Variants in FCRL3 observed in about 807,000 individuals in gnomAD.
FCRL3 encodes Fc receptor like 3, also known as Fc receptor-like protein 3.
A neutral mutation model predicts 75.0 loss-of-function variants in FCRL3; 89 were observed. The ratio of observed to expected loss-of-function variants is 1.19; its 90% CI spans 1.00 to 1.42. The LOEUF is 1.42. Among genes scored for constraint, FCRL3 ranks in the 40% most tolerant of loss-of-function variants. The pLI is 0.00. For missense variants in FCRL3, 946 were observed against 880.0 expected (o/e 1.07, Z -0.95); for synonymous variants, 376 against 348.5 (o/e 1.08, Z -0.88).
At chr1:157,684,964 T>A (rs1023449792) in intron 10 of FCRL3, among the ~76,000 whole-genome samples, 1 of 152,000 alleles carries the variant, frequency 6.6e-6, no homozygotes, top group Non-Finnish European at 1.5e-5. Flanking sequence ...TAAGCAAGAT[T>A]TTGAGAAAAG....
chr1:157,695,956 C>A, intron 7 of FCRL3, 84 bp downstream of exon 7: 1 of 490,422 alleles, frequency 2.0e-6, no homozygotes, highest in Non-Finnish European at 3.0e-6. Context: ...CTCCCCGTGC[C>A]TCTTTTAGGA....
chr1:157,685,123 G>A (rs1655094898), intron 10 of FCRL3, among the ~76,000 whole-genome samples: 1 of 151,788 alleles, frequency 6.6e-6, no homozygotes, highest in Non-Finnish European at 1.5e-5. Context: ...TTCTCTCCTG[G>A]TGCTGTGCTG....
chr1:157,693,074 G>A (rs577625084), intron 8 of FCRL3, among the ~76,000 whole-genome samples: 1 of 151,908 alleles, frequency 6.6e-6, no homozygotes, highest in South Asian at 2.1e-4. Flanking sequence ...TCAGAAGTTC[G>A]AGACCAGCCT....
At chr1:157,691,204 T>A (rs935320085) in intron 8 of FCRL3, among the ~76,000 whole-genome samples, 3 of 152,140 alleles carry the variant, frequency 2.0e-5, no homozygotes, top group African/African-American at 7.2e-5. Flanking sequence ...TCAAAAAAAA[T>A]CCAGATATAG....
chr1:157,686,233 C>CA (rs1655169094), intron 10 of FCRL3, among the ~76,000 whole-genome samples: 1 of 149,552 alleles, frequency 6.7e-6, no homozygotes, highest in Non-Finnish European at 1.5e-5. Context: ...ATACAGCTAA[C>CA]AAAGGAGGTG....
At chr1:157,695,184 G>A in intron 8 of FCRL3, 145 bp downstream of exon 8, 1 of 804,914 alleles carries the variant, frequency 1.2e-6, no homozygotes, top group Admixed American at 2.4e-5. Flanking sequence ...TAATCACTAG[G>A]AAGAATCCCA....
At position 157,689,905 on chromosome 1, in the gene FCRL3, T is replaced by G. The variant is rs1186661323; in HGVS notation, c.1703A>C (p.Asn568Thr). 2.5e-6 allele frequency: 4 copies of G among 1,614,008 alleles called. No homozygotes were observed. In the African/African-American group the frequency reaches 5.3e-5, roughly 22 times the overall value. Reference sequence around the variant, plus strand: ...TCCCGCAGCGGTAAGGCCTGTTCTGTTCCTGGAAGTTCCTGAGTGGAGGGA... The same window carrying G: ...TCCCGCAGCGGTAAGGCCTGTTCTGGTCCTGGAAGTTCCTGAGTGGAGGGA... Reference protein sequence around the residue: ...VTLNVTGTSRNRTGLTAAGIT... With the variant: ...VTLNVTGTSRTRTGLTAAGIT... The change falls in exon 10 of 15, where the codon AAC (asparagine) becomes ACC (threonine). Residue 568 changes from asparagine (N) to threonine (T), a missense_variant. Physicochemically the swap from Asn to Thr is moderately conservative, Grantham distance 65 (BLOSUM62 0). Coordinates refer to ENST00000368184, the MANE Select transcript of FCRL3 (RefSeq NM_052939.4).
chr1:157,698,469 C>A lies in FCRL3; in HGVS notation c.213G>T (p.Lys71Asn). 14 of 1,614,172 alleles carry A rather than the reference C, an allele frequency of 8.7e-6. No homozygotes were observed. The highest frequency in any genetic ancestry group is 1.3e-5 in the African/African-American group (1 of 75,044). Residue 71 changes from lysine (K) to asparagine (N), a missense_variant, in exon 4 of 15, where the codon AAG becomes AAT. Lys to Asn is a moderately conservative substitution (Grantham distance 94). Coordinates refer to ENST00000368184, the MANE Select transcript of FCRL3 (RefSeq NM_052939.4). ...AATTTCCAGGCTCTGTAATTTGGAT[C>A]TTGTCATGTTTTATTTTCAACAACT... Reference protein sequence around the residue: ...DEKLLKIKHDKIQITEPGNYQ... With the variant: ...DEKLLKIKHDNIQITEPGNYQ...
chr1:157,698,606 G>A lies in FCRL3; in HGVS notation c.76C>T (p.Leu26Phe). 2 of 1,614,074 alleles carry A rather than the reference G, an allele frequency of 1.2e-6. No homozygotes were observed. The highest frequency in any genetic ancestry group is 1.7e-6 in the Non-Finnish European group (2 of 1,179,908). The change falls in exon 4 of 15, where the codon CTC becomes TTC. Residue 26 changes from leucine to phenylalanine, a missense_variant. Physicochemically the swap from Leu to Phe is conservative, Grantham distance 22. Coordinates refer to ENST00000368184, the MANE Select transcript of FCRL3 (RefSeq NM_052939.4). Reference protein sequence around the residue: ...QSGVAPKAVLLLNPPWSTAFK... With the variant: ...QSGVAPKAVLFLNPPWSTAFK... Reference sequence around the variant, plus strand: ...GCTGTGGACCATGGAGGATTGAGGAGAAGTACAGCTTTTGGGGCCACCCCT... The same window carrying A: ...GCTGTGGACCATGGAGGATTGAGGAAAAGTACAGCTTTTGGGGCCACCCCT...
chr1:157,689,030 GA>G (rs527697320), intron 10 of FCRL3, among the ~76,000 whole-genome samples: 26 of 152,170 alleles, frequency 1.7e-4, no homozygotes, highest in Admixed American at 4.6e-4. Flanking sequence ...AAACAGCATT[GA>G]AAAAAACCCA....
Position 157,693,159 on chromosome 1 carries a change from T to C in FCRL3, c.1411+2170A>G, listed in dbSNP as rs368453922. Among the ~76,000 whole-genome samples the C allele has an allele frequency of 2.8e-4, 42 of 150,574 alleles. No homozygotes were observed. In the East Asian group the frequency reaches 7.9e-3, roughly 28 times the overall value. On this transcript the variant is annotated intron_variant, in intron 8 of 14. Coordinates refer to ENST00000368184, the MANE Select transcript of FCRL3 (RefSeq NM_052939.4). ...GCGTGGTAGCCTGCCTCTGTAATCC[T>C]AGCTACTGGAGAGGCTGAGGCAGAA...
Position 157,678,449 on chromosome 1 carries a change from A to G in FCRL3, c.*261T>C. On this transcript the variant is annotated 3_prime_UTR_variant, in exon 15 of 15. Coordinates refer to ENST00000368184, the MANE Select transcript of FCRL3 (RefSeq NM_052939.4). ...CTCTCCTCCTCTATTCGACAGCCCT[A>G]GGAGCTGAGGGCCCTCCTGCCTTGC... The G allele has an allele frequency of 7.5e-7, 1 of 1,333,708 alleles. No homozygotes were observed. The highest frequency in any genetic ancestry group is 9.6e-7 in the Non-Finnish European group (1 of 1,038,640). The allele number at this position is 1,333,708 out of a possible 1,614,324, so 82.6% of individuals were successfully genotyped here. A position where few individuals can be genotyped will look rare whatever the true frequency, so the allele number is the denominator to read the frequency against.
intron 13 of FCRL3, among the ~76,000 whole-genome samples, chr1:157,679,830 C>CAAAAAAAAAAAAAAAAAA (rs1166825112): frequency 4.0e-5 from 2 of 49,916 alleles, no homozygotes; most frequent in African/African-American, 9.1e-5. Flanking sequence ...CCCCATCTCA[C>CAAAAAAAAAAAAAAAAAA]AAAAAAAAAA....
intron 2 of FCRL3, among the ~76,000 whole-genome samples, 166 bp from the exon 3 acceptor site, chr1:157,699,878 G>T (rs10489678): frequency 6.6e-6 from 1 of 151,904 alleles, no homozygotes; most frequent in Non-Finnish European, 1.5e-5. Flanking sequence ...TTTTACAAAC[G>T]TGATGGCTTA....
Position 157,698,295 on chromosome 1 carries a change from A to T in FCRL3, c.298+89T>A, listed in dbSNP as rs1656089768. On this transcript the variant is annotated intron_variant, in intron 4 of 14. Coordinates refer to ENST00000368184, the MANE Select transcript of FCRL3 (RefSeq NM_052939.4). ...AGTGCATCAATCCCCATGTCTGCTT[A>T]CAACTCTGCCTAGGATCCCTGCATT... The T allele has an allele frequency of 2.0e-6, 3 of 1,500,534 alleles. No homozygotes were observed. In the Admixed American group the frequency reaches 5.3e-5, roughly 26 times the overall value. 93.0% of individuals were successfully genotyped at this position (1,500,534 alleles called of 1,614,324 possible). A position where few individuals can be genotyped will look rare whatever the true frequency, so the allele number is the denominator to read the frequency against.
At chr1:157,691,630 T>G (rs1049034132) in intron 8 of FCRL3, 1 of 152,202 alleles carries the variant, frequency 6.6e-6, no homozygotes, top group African/African-American at 2.4e-5. Context: ...ATTTGTCCCT[T>G]CTGTATAGCC....
intron 8 of FCRL3, among the ~76,000 whole-genome samples, chr1:157,692,574 G>C (rs1265043706): frequency 6.6e-6 from 1 of 152,152 alleles, no homozygotes; most frequent in Non-Finnish European, 1.5e-5. Context: ...AATGAGATTG[G>C]GGAGTGACCT....
chr1:157,698,355 A>G, intron 4 of FCRL3, 29 bp downstream of exon 4: 3 of 1,613,130 alleles, frequency 1.9e-6, no homozygotes, highest in Non-Finnish European at 2.5e-6. Context: ...TGGTGGCTTG[A>G]CTTTAGACAC....
At chr1:157,693,292 A>T (rs1655671869) in intron 8 of FCRL3, among the ~76,000 whole-genome samples, 1 of 151,588 alleles carries the variant, frequency 6.6e-6, no homozygotes, top group South Asian at 2.1e-4. Context: ...AAAAAAAAAA[A>T]AAAGGAAATT....
Sources: allele counts gnomAD v4.1 joint callset (sites outside exome capture counted in the v4.1 genomes callset), GRCh38; gene constraint gnomAD v4.1.1; transcripts MANE v1.5; gene names NCBI Gene and HGNC (gene_info 2026-07-23, HGNC 2026-07-21).